PLPPR1: variants seen among roughly 807,000 people sequenced by gnomAD.
PLPPR1 encodes the protein phospholipid phosphatase related 1, also known as phospholipid phosphatase-related protein type 1.
Under a neutral mutation model 33.1 loss-of-function variants are expected in PLPPR1, and 10 were observed. That is an observed-to-expected ratio of 0.30 (90% CI 0.19 to 0.51). The LOEUF (loss-of-function observed/expected upper bound fraction) is 0.51. Ranked by LOEUF, PLPPR1 falls within the 20% of genes least tolerant of loss-of-function variation. PLPPR1 has a pLI of 0.97. For missense variants in PLPPR1, 304 were observed against 408.1 expected (o/e 0.74, Z 2.20); for synonymous variants, 151 against 151.0 (o/e 1.00, Z 0.00).
chr9:101,269,613 A>G (rs1828057070), intron 2 of PLPPR1, among the ~76,000 whole-genome samples: 1 of 152,212 alleles, frequency 6.6e-6, no homozygotes, highest in Non-Finnish European at 1.5e-5. Context: ...GGGTGGCAGC[A>G]GGGGCTGAAG....
chr9:101,165,811 C>T (rs1825847355), intron 1 of PLPPR1, among the ~76,000 whole-genome samples: 1 of 152,192 alleles, frequency 6.6e-6, no homozygotes, highest in East Asian at 1.9e-4. Context: ...AGCATTTTGA[C>T]ATCCCCATGA....
chr9:101,257,674 A>G (rs1827826581), intron 2 of PLPPR1, among the ~76,000 whole-genome samples: 2 of 152,136 alleles, frequency 1.3e-5, no homozygotes, highest in South Asian at 4.1e-4. Flanking sequence ...TCTGTACTAG[A>G]ATATTCTGGT....
intron 7 of PLPPR1, among the ~76,000 whole-genome samples, chr9:101,319,165 A>T (rs1829108309): frequency 6.6e-6 from 1 of 152,190 alleles, no homozygotes; most frequent in African/African-American, 2.4e-5. Context: ...TCTCTAAGAC[A>T]AACTACCCTA....
chr9:101,078,105 A>AAGGAGAAGGAGAAGG (rs1491245491), intron 1 of PLPPR1, among the ~76,000 whole-genome samples: 122 of 2,288 alleles, frequency 0.053, 27 homozygotes, highest in East Asian at 0.1. Context: ...GGAGAAGGAG[A>AAGGAGAAGGAGAAGG]AGAAGAAGAA....
intron 1 of PLPPR1, among the ~76,000 whole-genome samples, chr9:101,096,538 T>TAATA (rs1830820364): frequency 1.3e-5 from 2 of 152,154 alleles, no homozygotes; most frequent in South Asian, 4.1e-4. Context: ...AAAGGGTAGG[T>TAATA]AATAGTTAAA....
intron 3 of PLPPR1, among the ~76,000 whole-genome samples, chr9:101,283,610 T>A (rs1828340371): frequency 6.6e-6 from 1 of 152,166 alleles, no homozygotes; most frequent in African/African-American, 2.4e-5. Context: ...TTTCTGGATA[T>A]GAACCCAAAA....
chr9:101,179,882 A>G (rs2118705187), intron 1 of PLPPR1, among the ~76,000 whole-genome samples: 1 of 151,884 alleles, frequency 6.6e-6, no homozygotes, highest in Admixed American at 6.6e-5. Flanking sequence ...CTGCCAGAGA[A>G]TATAAAGCAG....
chr9:101,189,988 G>A (rs7029916), intron 2 of PLPPR1, among the ~76,000 whole-genome samples: 24,459 of 152,020 alleles, frequency 0.16, 2,315 homozygotes, highest in East Asian at 0.28. Context: ...CAGTTTAGCC[G>A]AGCTTACTTC....
At chr9:101,319,221 G>C (rs1829109665) in intron 7 of PLPPR1, among the ~76,000 whole-genome samples, 1 of 152,182 alleles carries the variant, frequency 6.6e-6, no homozygotes, top group East Asian at 1.9e-4. Context: ...CTTTCGCCCA[G>C]GCTGGAGTGC....
At chr9:101,239,721 G>A (rs1196105428) in intron 2 of PLPPR1, among the ~76,000 whole-genome samples, 1 of 151,886 alleles carries the variant, frequency 6.6e-6, no homozygotes, top group African/African-American at 2.4e-5. Context: ...TTTGAGAGAT[G>A]TCTATTCGGA....
intron 1 of PLPPR1, among the ~76,000 whole-genome samples, chr9:101,037,858 T>TG (rs1375380514): frequency 1.3e-5 from 2 of 151,508 alleles, no homozygotes; most frequent in African/African-American, 2.4e-5. Context: ...GGTCTAGTTT[T>TG]TTTTTTTTTT....
At chr9:101,059,890 A>G (rs774731554) in intron 1 of PLPPR1, among the ~76,000 whole-genome samples, 2 of 152,110 alleles carry the variant, frequency 1.3e-5, no homozygotes, top group Non-Finnish European at 2.9e-5. Flanking sequence ...TACAGCCATT[A>G]TGGAAAACAG....
At chr9:101,200,900 A>T (rs371726385) in intron 2 of PLPPR1, among the ~76,000 whole-genome samples, 1 of 152,222 alleles carries the variant, frequency 6.6e-6, no homozygotes, top group East Asian at 1.9e-4. Flanking sequence ...CTGGAACTAC[A>T]TGTTATTAGA....
chr9:101,102,010 T>A (rs1830907092), intron 1 of PLPPR1, among the ~76,000 whole-genome samples: 1 of 151,964 alleles, frequency 6.6e-6, no homozygotes, highest in Non-Finnish European at 1.5e-5. Flanking sequence ...CTTTTTCACT[T>A]ATCATGTTTC....
At chr9:101,281,766 C>G (rs1828308864) in intron 3 of PLPPR1, among the ~76,000 whole-genome samples, 1 of 151,962 alleles carries the variant, frequency 6.6e-6, no homozygotes, top group Admixed American at 6.6e-5. Flanking sequence ...ACTGACACTA[C>G]AGAAATACAA....
intron 2 of PLPPR1, among the ~76,000 whole-genome samples, chr9:101,194,433 G>A (rs1588066869): frequency 1.3e-5 from 2 of 152,110 alleles, no homozygotes; most frequent in South Asian, 4.1e-4. Context: ...TTTCTAAAAT[G>A]TGTTTACTTT....
intron 1 of PLPPR1, among the ~76,000 whole-genome samples, chr9:101,113,632 A>C (rs1281500198): frequency 1.3e-5 from 2 of 151,108 alleles, no homozygotes; most frequent in South Asian, 4.2e-4. Context: ...CAGAAAAAAC[A>C]AAAAAACAAA....
intron 1 of PLPPR1, among the ~76,000 whole-genome samples, chr9:101,086,636 A>G (rs1937854783): frequency 6.6e-6 from 1 of 152,206 alleles, no homozygotes; most frequent in Admixed American, 6.5e-5. Flanking sequence ...CTCACCCAAC[A>G]TTTGTTCTAG....
At chr9:101,293,056 C>G (rs1418927329) in intron 4 of PLPPR1, among the ~76,000 whole-genome samples, 1 of 151,800 alleles carries the variant, frequency 6.6e-6, no homozygotes, top group African/African-American at 2.4e-5. Context: ...TTCAGGAAAC[C>G]CATCTCATGT....
Sources: gnomAD v4.1 joint callset for allele counts (sites outside exome capture counted in the v4.1 genomes callset) on GRCh38, gnomAD v4.1.1 for gene constraint, MANE v1.5 for transcripts, NCBI Gene and HGNC (gene_info 2026-07-23, HGNC 2026-07-21) for gene names.